Variants in DLG2 observed in about 807,000 individuals in gnomAD.
The protein encoded by DLG2 is disks large homolog 2.
DLG2 carries 45 observed loss-of-function variants against 132.5 expected under a neutral mutation model. The observed-to-expected ratio is 0.34, with a 90% CI of 0.27 to 0.44. The LOEUF (loss-of-function observed/expected upper bound fraction) is 0.44, where lower values mean the gene tolerates loss of function less well. Ranked by LOEUF, DLG2 falls within the 20% of genes least tolerant of loss-of-function variation. The pLI is 1.00. For missense variants in DLG2, 1,045 were observed against 1,196.9 expected, an observed-to-expected ratio of 0.87 and a Z score of 1.87; for synonymous variants, 424 against 419.6, an observed-to-expected ratio of 1.01 and a Z score of -0.13.
intron 14 of DLG2, among the ~76,000 whole-genome samples, chr11:83,947,491 G>A (rs776968547): frequency 3.3e-5 from 5 of 152,120 alleles, no homozygotes; most frequent in Admixed American, 1.3e-4. Flanking sequence ...TGTTTCCCCC[G>A]CATTCACTTC....
intron 17 of DLG2, among the ~76,000 whole-genome samples, chr11:83,829,788 G>A (rs1014398795): frequency 1.3e-5 from 2 of 151,676 alleles, no homozygotes; most frequent in Non-Finnish European, 2.9e-5. Flanking sequence ...GGGTACATGT[G>A]CACAACATGC....
chr11:84,492,741 C>T (rs994958114), intron 7 of DLG2, among the ~76,000 whole-genome samples: 6 of 152,040 alleles, frequency 3.9e-5, no homozygotes, highest in Non-Finnish European at 7.4e-5. Flanking sequence ...ATTATTATGT[C>T]ATCTTTATGA....
intron 6 of DLG2, among the ~76,000 whole-genome samples, chr11:84,654,358 C>A (rs949819594): frequency 6.6e-6 from 1 of 152,180 alleles, no homozygotes; most frequent in African/African-American, 2.4e-5. Context: ...TCATCTAAAG[C>A]ATTCATAAAT....
intron 6 of DLG2, among the ~76,000 whole-genome samples, chr11:84,594,431 G>A (rs957034808): frequency 6.6e-6 from 1 of 152,094 alleles, no homozygotes; most frequent in Non-Finnish European, 1.5e-5. Flanking sequence ...GCCAACAAAA[G>A]CCTCACCCAA....
intron 18 of DLG2, among the ~76,000 whole-genome samples, chr11:83,732,996 C>T (rs763533747): frequency 1.3e-5 from 2 of 152,140 alleles, no homozygotes; most frequent in African/African-American, 2.4e-5. Context: ...AATCCCAGCA[C>T]TTTCGGAGGC....
chr11:84,830,462 G>A (rs2078893967), intron 6 of DLG2, among the ~76,000 whole-genome samples: 1 of 150,938 alleles, frequency 6.6e-6, no homozygotes, highest in African/African-American at 2.4e-5. Flanking sequence ...GAGAAAGAGT[G>A]AAAAATGGTT....
chr11:84,200,843 T>A (rs543999207), intron 8 of DLG2, among the ~76,000 whole-genome samples: 47 of 152,310 alleles, frequency 3.1e-4, no homozygotes, highest in African/African-American at 1.1e-3. Context: ...TAAGAAGCTT[T>A]AAGACTGAGA....
chr11:85,399,730 G>A (rs1438862346), intron 3 of DLG2, among the ~76,000 whole-genome samples: 3 of 152,210 alleles, frequency 2.0e-5, no homozygotes, highest in Admixed American at 2.0e-4. Flanking sequence ...CTAACCATAT[G>A]TAGAAAGCTG....
intron 3 of DLG2, among the ~76,000 whole-genome samples, chr11:85,494,294 G>T (rs1313568819): frequency 6.6e-6 from 1 of 152,040 alleles, no homozygotes; most frequent in Non-Finnish European, 1.5e-5. Flanking sequence ...AATTACCCAT[G>T]CTCCAAACAA....
chr11:85,189,431 T>C (rs1278532092), intron 4 of DLG2, among the ~76,000 whole-genome samples: 2 of 152,202 alleles, frequency 1.3e-5, no homozygotes, highest in Non-Finnish European at 1.5e-5. Flanking sequence ...AACACACTAT[T>C]GATACACACG....
intron 6 of DLG2, among the ~76,000 whole-genome samples, chr11:84,623,083 A>G (rs539745504): frequency 9.9e-5 from 15 of 152,242 alleles, no homozygotes; most frequent in East Asian, 7.7e-4. Flanking sequence ...AGTTGTTTGA[A>G]GAGTACTATC....
At chr11:84,716,264 T>A (rs1351761978) in intron 6 of DLG2, among the ~76,000 whole-genome samples, 1 of 152,116 alleles carries the variant, frequency 6.6e-6, no homozygotes, top group East Asian at 1.9e-4. Context: ...ATAAGCCATA[T>A]TTCAATTACA....
chr11:84,057,548 T>C (rs943627599), intron 11 of DLG2, among the ~76,000 whole-genome samples: 15 of 152,192 alleles, frequency 9.9e-5, no homozygotes, highest in African/African-American at 3.6e-4. Flanking sequence ...TTTTTCTTTT[T>C]ACCCAGATTT....
intron 7 of DLG2, among the ~76,000 whole-genome samples, chr11:84,341,424 T>A (rs999343084): frequency 6.6e-6 from 1 of 152,212 alleles, no homozygotes; most frequent in Non-Finnish European, 1.5e-5. Flanking sequence ...TTTGTTGGCA[T>A]TGTTTACATA....
intron 7 of DLG2, among the ~76,000 whole-genome samples, chr11:84,479,846 G>T (rs1030744788): frequency 6.6e-6 from 1 of 152,054 alleles, no homozygotes; most frequent in African/African-American, 2.4e-5. Flanking sequence ...ATAATAAACT[G>T]AAATGTTGTT....
At chr11:84,720,797 G>C (rs970843530) in intron 6 of DLG2, 4 of 152,366 alleles carry the variant, frequency 2.6e-5, no homozygotes, top group South Asian at 2.1e-4. Flanking sequence ...AGTCACACAA[G>C]ATTGTCATGC....
intron 6 of DLG2, among the ~76,000 whole-genome samples, chr11:84,714,045 A>C (rs2060734856): frequency 6.6e-6 from 1 of 152,132 alleles, no homozygotes; most frequent in African/African-American, 2.4e-5. Context: ...AGTACTGGGA[A>C]ACTAGGAAAA....
intron 6 of DLG2, among the ~76,000 whole-genome samples, chr11:84,725,697 A>T (rs1450421145): frequency 6.6e-6 from 1 of 152,156 alleles, no homozygotes; most frequent in Admixed American, 6.6e-5. Context: ...TATCTAAGCT[A>T]CCATTTCTTG....
chr11:84,454,208 C>G (rs10898238), intron 7 of DLG2, among the ~76,000 whole-genome samples: 34,634 of 151,182 alleles, frequency 0.23, 4,167 homozygotes, highest in South Asian at 0.36. Context: ...GCTGAATCTC[C>G]AGAGGAAGAT....
Sources: allele counts gnomAD v4.1 joint callset (sites outside exome capture counted in the v4.1 genomes callset), GRCh38; gene constraint gnomAD v4.1.1; transcripts MANE v1.5; gene names NCBI Gene and HGNC (gene_info 2026-07-23, HGNC 2026-07-21).